The following KHDRBS3 variants were observed in gnomAD, a reference collection of about 807,000 sequenced individuals.
KHDRBS3 encodes the protein KH domain-containing, RNA-binding, signal transduction-associated protein 3.
Under a neutral mutation model 45.6 loss-of-function variants are expected in KHDRBS3, and 23 were observed. The observed-to-expected ratio is 0.50, with a 90% confidence interval of 0.36 to 0.72. The LOEUF is 0.72. Ranked by LOEUF, KHDRBS3 falls within the 30% of genes least tolerant of loss-of-function variation. The probability of loss-of-function intolerance (pLI) is 0.00; values close to 1 mark genes in which losing one functional copy is unlikely to be tolerated. For missense variants in KHDRBS3, 352 were observed against 424.8 expected, an observed-to-expected ratio of 0.83 and a Z score of 1.51; for synonymous variants, 162 against 156.5, an observed-to-expected ratio of 1.04 and a Z score of -0.26.
intron 7 of KHDRBS3, among the ~76,000 whole-genome samples, chr8:135,611,398 C>T (rs1829699396): frequency 6.6e-6 from 1 of 151,974 alleles, no homozygotes; most frequent in South Asian, 2.1e-4. Flanking sequence ...TTTTCCACTA[C>T]AGCACTCTTA....
intron 4 of KHDRBS3, among the ~76,000 whole-genome samples, chr8:135,550,212 A>G (rs1360343700): frequency 6.6e-6 from 1 of 152,178 alleles, no homozygotes; most frequent in Non-Finnish European, 1.5e-5. Flanking sequence ...TTTTCCAAAG[A>G]TGGCTGCAGT....
At chr8:135,562,049 G>T (rs1350722646) in intron 5 of KHDRBS3, among the ~76,000 whole-genome samples, 1 of 152,004 alleles carries the variant, frequency 6.6e-6, no homozygotes. Context: ...TTTGAAGAAA[G>T]GAAAATATTT....
chr8:135,636,326 G>A (rs1216051368), intron 7 of KHDRBS3, among the ~76,000 whole-genome samples: 7 of 152,142 alleles, frequency 4.6e-5, no homozygotes, highest in Admixed American at 1.3e-4. Flanking sequence ...ATTAGTAAAT[G>A]TTTACTTCAT....
Position 135,469,294 on chromosome 8 carries a change from G to GT in KHDRBS3, c.88+11348dup, listed in dbSNP as rs1035769485. Among the ~76,000 whole-genome samples, 50 of 152,062 alleles carry GT rather than the reference G, an allele frequency of 3.3e-4. No homozygotes were observed. In the East Asian group the frequency reaches 3.9e-3, roughly 12 times the overall value. ...AGTATGCCATTAGGAAGGACCGTCT[G>GT]TTTTTTTTGAGACGGAGTCTCGCTC... On this transcript the variant is annotated intron_variant, in intron 1 of 8. Transcript: ENST00000355849.
intron 1 of KHDRBS3, among the ~76,000 whole-genome samples, chr8:135,518,500 G>A (rs1262101095): frequency 6.6e-6 from 1 of 152,042 alleles, no homozygotes; most frequent in Non-Finnish European, 1.5e-5. Context: ...TTGAAAAGGA[G>A]GCAGTTGAAT....
intron 7 of KHDRBS3, among the ~76,000 whole-genome samples, chr8:135,642,735 G>A (rs1293492075): frequency 5.3e-5 from 8 of 151,984 alleles, no homozygotes; most frequent in Admixed American, 4.6e-4. Flanking sequence ...TAACAAGGTG[G>A]GGCCTATATT....
At chr8:135,515,093 G>A (rs922142639) in intron 1 of KHDRBS3, among the ~76,000 whole-genome samples, 6 of 152,034 alleles carry the variant, frequency 3.9e-5, no homozygotes, top group East Asian at 1.9e-4. Flanking sequence ...GGGGCTGGGC[G>A]CGGTGGCTCA....
intron 4 of KHDRBS3, among the ~76,000 whole-genome samples, chr8:135,655,770 T>C (rs1365652427): frequency 6.6e-6 from 1 of 152,166 alleles, no homozygotes; most frequent in Non-Finnish European, 1.5e-5. Context: ...CCAGCCAGTT[T>C]TTTAAATAAC....
intron 7 of KHDRBS3, among the ~76,000 whole-genome samples, chr8:135,638,340 G>A (rs1360677414): frequency 4.6e-5 from 7 of 152,172 alleles, no homozygotes; most frequent in Admixed American, 4.6e-4. Flanking sequence ...CAGAGACAAA[G>A]CGTACGTTAC....
chr8:135,548,673 G>C (rs1826431086), intron 3 of KHDRBS3, 81 bp from the exon 4 acceptor site: 1 of 1,164,454 alleles, frequency 8.6e-7, no homozygotes, highest in Non-Finnish European at 1.1e-6. Flanking sequence ...TTGGGGGTTA[G>C]TTTTTATTTA....
intron 7 of KHDRBS3, 72 bp from the exon 8 acceptor site, chr8:135,644,987 A>G (rs1831221512): frequency 3.3e-6 from 5 of 1,498,928 alleles, no homozygotes; most frequent in South Asian, 2.3e-5. Flanking sequence ...AAGTTTTACA[A>G]TACGTTATTG....
chr8:135,486,108 T>C (rs1174314277), intron 1 of KHDRBS3, among the ~76,000 whole-genome samples: 8 of 152,026 alleles, frequency 5.3e-5, no homozygotes, highest in Non-Finnish European at 2.9e-5. Context: ...GGACTCATCC[T>C]CTTCATGTGG....
intron 7 of KHDRBS3, among the ~76,000 whole-genome samples, chr8:135,623,786 TG>T (rs1830248911): frequency 6.6e-6 from 1 of 152,190 alleles, no homozygotes; most frequent in South Asian, 2.1e-4. Context: ...TCACTGAATC[TG>T]GGTTTTCCTC....
At chr8:135,566,745 A>G (rs1489315137) in intron 5 of KHDRBS3, among the ~76,000 whole-genome samples, 1 of 152,184 alleles carries the variant, frequency 6.6e-6, no homozygotes, top group Non-Finnish European at 1.5e-5. Flanking sequence ...ACATGCCTAT[A>G]GTCACAGCTA....
At chr8:135,485,480 C>T (rs1822808839) in intron 1 of KHDRBS3, among the ~76,000 whole-genome samples, 1 of 152,088 alleles carries the variant, frequency 6.6e-6, no homozygotes. Flanking sequence ...TGAGGGGAAC[C>T]AGTCACACAT....
At chr8:135,467,149 A>G (rs1213842327) in intron 1 of KHDRBS3, among the ~76,000 whole-genome samples, 1 of 152,244 alleles carries the variant, frequency 6.6e-6, no homozygotes, top group Non-Finnish European at 1.5e-5. Context: ...AAAATTAAAC[A>G]AGATTAAATG....
At chr8:135,539,588 T>C (rs1825944909) in intron 2 of KHDRBS3, 1 of 152,268 alleles carries the variant, frequency 6.6e-6, no homozygotes, top group African/African-American at 2.4e-5. Flanking sequence ...GTATACGCAA[T>C]CTGCTGGCTG....
chr8:135,625,088 C>T (rs1830299543), intron 7 of KHDRBS3: 1 of 661,692 alleles, frequency 1.5e-6, no homozygotes, highest in East Asian at 2.9e-5. Flanking sequence ...TGAAAAGAAA[C>T]CAGTGAGTCC....
intron 4 of KHDRBS3, among the ~76,000 whole-genome samples, chr8:135,653,989 T>G (rs1469598047): frequency 6.6e-6 from 1 of 152,202 alleles, no homozygotes; most frequent in East Asian, 1.9e-4. Flanking sequence ...AATTCCCACC[T>G]TTACCCCCAC....
Sources: gnomAD v4.1 joint callset for allele counts (sites outside exome capture counted in the v4.1 genomes callset) on GRCh38, gnomAD v4.1.1 for gene constraint, MANE v1.5 for transcripts, NCBI Gene and HGNC (gene_info 2026-07-23, HGNC 2026-07-21) for gene names.